The following SLC38A4 variants were observed in gnomAD, a reference collection of about 807,000 sequenced individuals.
The protein encoded by SLC38A4 is solute carrier family 38 member 4, also known as sodium-coupled neutral amino acid transporter 4.
A neutral mutation model predicts 63.1 loss-of-function variants in SLC38A4; 20 were observed. That is an observed-to-expected ratio of 0.32 (90% CI 0.22 to 0.46). SLC38A4 has a LOEUF of 0.46. Among genes scored for constraint, SLC38A4 ranks in the 20% least tolerant of loss-of-function variants. The probability of loss-of-function intolerance (pLI) is 1.00; values close to 1 mark genes in which losing one functional copy is unlikely to be tolerated. For synonymous variants in SLC38A4, 230 were observed against 225.5 expected (o/e 1.02, Z -0.18); for missense variants, 526 against 663.6 (o/e 0.79, Z 2.28).
intron 1 of SLC38A4, among the ~76,000 whole-genome samples, chr12:46,811,582 T>C (rs1328850515): frequency 6.6e-6 from 1 of 152,054 alleles, no homozygotes; most frequent in Non-Finnish European, 1.5e-5. Flanking sequence ...TATGTTTAAT[T>C]CATATGAGTT....
intron 1 of SLC38A4, among the ~76,000 whole-genome samples, chr12:46,811,922 A>G (rs1939346647): frequency 6.6e-6 from 1 of 152,016 alleles, no homozygotes; most frequent in Non-Finnish European, 1.5e-5. Flanking sequence ...ATATTTAACT[A>G]TAGAAATCCT....
chr12:46,782,830 G>A (rs1356060108), intron 7 of SLC38A4, among the ~76,000 whole-genome samples: 1 of 150,120 alleles, frequency 6.7e-6, no homozygotes, highest in Non-Finnish European at 1.5e-5. Flanking sequence ...CAAGTTCACA[G>A]ATAGTGACAG....
At chr12:46,802,375 T>G (rs961169320) in intron 2 of SLC38A4, among the ~76,000 whole-genome samples, 32 of 152,190 alleles carry the variant, frequency 2.1e-4, no homozygotes, top group African/African-American at 7.2e-4. Context: ...TAATAGATAC[T>G]GGACCATTCC....
At chr12:46,799,190 CACTT>C (rs1347919497) in intron 2 of SLC38A4, among the ~76,000 whole-genome samples, 1 of 152,140 alleles carries the variant, frequency 6.6e-6, no homozygotes, top group East Asian at 1.9e-4. Context: ...CATAATTAGA[CACTT>C]ACAAAAGAGG....
intron 1 of SLC38A4, among the ~76,000 whole-genome samples, chr12:46,822,839 T>C (rs1939578815): frequency 6.6e-6 from 1 of 152,186 alleles, no homozygotes; most frequent in South Asian, 2.1e-4. Flanking sequence ...GTTTAAACTT[T>C]AAGGAATTTT....
chr12:46,829,470 G>A (rs1939702232), upstream of SLC38A4, among the ~76,000 whole-genome samples: 1 of 151,364 alleles, frequency 6.6e-6, no homozygotes, highest in Admixed American at 6.6e-5. Flanking sequence ...GGAGGGTTAA[G>A]GTTCTAAAAA....
intron 5 of SLC38A4, among the ~76,000 whole-genome samples, chr12:46,786,201 T>G (rs1180670710): frequency 6.6e-6 from 1 of 152,158 alleles, no homozygotes; most frequent in Non-Finnish European, 1.5e-5. Context: ...ATTCAGATTA[T>G]ATAATTTTGT....
intron 2 of SLC38A4, among the ~76,000 whole-genome samples, chr12:46,797,697 T>C (rs2907513): frequency 0.99 from 150,268 of 152,220 alleles, 74,179 homozygotes; most frequent in Middle Eastern, 1. Context: ...AGAACTCTGA[T>C]GAATACATAT....
At chr12:46,774,470 G>A (rs113119843) in intron 14 of SLC38A4, among the ~76,000 whole-genome samples, 2,513 of 152,150 alleles carry the variant, frequency 0.017, 35 homozygotes, top group Middle Eastern at 0.027. Context: ...TGCCAGGGAG[G>A]GGTGACCTGG....
intron 1 of SLC38A4, among the ~76,000 whole-genome samples, chr12:46,825,467 A>T (rs1422242898): frequency 6.6e-6 from 1 of 152,220 alleles, no homozygotes; most frequent in Non-Finnish European, 1.5e-5. Flanking sequence ...GATAAGAAGG[A>T]ATAAAACAGT....
intron 7 of SLC38A4, 105 bp from the exon 8 acceptor site, chr12:46,780,135 ATGG>A: frequency 3.5e-6 from 3 of 858,518 alleles, no homozygotes; most frequent in Admixed American, 2.0e-5. Context: ...AATCCCCCAA[ATGG>A]AAAAAAAAGT....
At chr12:46,779,256 A>T (rs765405003) in intron 10 of SLC38A4, among the ~76,000 whole-genome samples, 1 of 151,890 alleles carries the variant, frequency 6.6e-6, no homozygotes, top group Non-Finnish European at 1.5e-5. Context: ...TGTAAGAGAG[A>T]ATGGCTGATT....
intron 10 of SLC38A4, among the ~76,000 whole-genome samples, chr12:46,779,268 A>C (rs149506684): frequency 2.2e-4 from 33 of 152,048 alleles, no homozygotes; most frequent in African/African-American, 7.2e-4. Context: ...TGGCTGATTC[A>C]TGTGAATATG....
intron 1 of SLC38A4, among the ~76,000 whole-genome samples, chr12:46,814,677 A>C (rs1218620672): frequency 6.6e-6 from 1 of 151,960 alleles, no homozygotes; most frequent in Non-Finnish European, 1.5e-5. Context: ...AATCAAATAT[A>C]AGACGTTTTT....
At chr12:46,798,451 C>G (rs1484260955) in intron 2 of SLC38A4, among the ~76,000 whole-genome samples, 1 of 152,162 alleles carries the variant, frequency 6.6e-6, no homozygotes, top group Non-Finnish European at 1.5e-5. Context: ...TCCACTCCAT[C>G]CTTAATTTAT....
chr12:46,796,078 T>C (rs1450008500), intron 2 of SLC38A4, among the ~76,000 whole-genome samples: 1 of 152,146 alleles, frequency 6.6e-6, no homozygotes, highest in African/African-American at 2.4e-5. Flanking sequence ...GCTTTTCTGT[T>C]TATGTTCGAT....
chr12:46,785,029 G>T, intron 6 of SLC38A4, 75 bp downstream of exon 6: 1 of 1,172,186 alleles, frequency 8.5e-7, no homozygotes, highest in Non-Finnish European at 1.3e-6. Context: ...TCATCCTAAG[G>T]TTATGAAGCA....
At chr12:46,796,619 A>C (rs925324086) in intron 2 of SLC38A4, among the ~76,000 whole-genome samples, 2 of 152,148 alleles carry the variant, frequency 1.3e-5, no homozygotes, top group Admixed American at 6.6e-5. Flanking sequence ...TCCCAGACAC[A>C]GCTGCCACTC....
chr12:46,784,273 TA>T lies in SLC38A4; in HGVS notation c.493+268del, dbSNP rs561116315. Among the ~76,000 whole-genome samples, 201 of 152,260 alleles carry T rather than the reference TA, an allele frequency of 1.3e-3. 2 individuals are homozygous for T. In the Middle Eastern group the frequency reaches 0.017, roughly 13 times the overall value. On this transcript the variant is annotated intron_variant, in intron 7 of 16. Transcript: ENST00000266579. Reference sequence around the variant, plus strand: ...TTAAGAGTAATAATTCATGCTGTAATAACATTAAAAATCAAGAAAGCTTTTA... The same window carrying T: ...TTAAGAGTAATAATTCATGCTGTAATACATTAAAAATCAAGAAAGCTTTTA...
Sources: gnomAD v4.1 joint callset for allele counts (sites outside exome capture counted in the v4.1 genomes callset) on GRCh38, gnomAD v4.1.1 for gene constraint, MANE v1.5 for transcripts, NCBI Gene and HGNC (gene_info 2026-07-23, HGNC 2026-07-21) for gene names.